MSL2: variants seen among roughly 807,000 people sequenced by gnomAD.
MSL2 encodes the protein MSL complex subunit 2.
MSL2 carries 2 observed loss-of-function variants against 35.8 expected under a neutral mutation model. The ratio of observed to expected loss-of-function variants is 0.06; its 90% CI spans 0.02 to 0.18. The LOEUF (loss-of-function observed/expected upper bound fraction) is 0.18, where lower values mean the gene tolerates loss of function less well. MSL2 is among the 10% of genes least tolerant of loss of function. The probability of loss-of-function intolerance (pLI) is 1.00; values close to 1 mark genes in which losing one functional copy is unlikely to be tolerated. For missense variants in MSL2, 523 were observed against 706.7 expected (o/e 0.74, Z 2.95); for synonymous variants, 296 against 255.7 (o/e 1.16, Z -1.50).
Position 136,149,324 on chromosome 3 carries a change from G to C in MSL2, c.*1823C>G, listed in dbSNP as rs1035490375. 2 of 152,458 alleles carry C rather than the reference G, an allele frequency of 1.3e-5. No homozygotes were observed. Among genetic ancestry groups the C allele is most frequent in the African/African-American group, 2.4e-5 (1 of 41,412 alleles). The allele number at this position is 152,458 out of a possible 1,614,324, so 9.4% of individuals were successfully genotyped here. ...CAACTTTATATAGCAGGGCATCTGG[G>C]TTCAACACAAAACTGTTACAAACGT... On this transcript the variant is annotated 3_prime_UTR_variant, in exon 2 of 2. Coordinates refer to ENST00000309993, the MANE Select transcript of MSL2 (RefSeq NM_018133.4).
chr3:136,153,855 G>A (rs1939443600), intron 1 of MSL2, among the ~76,000 whole-genome samples: 1 of 152,040 alleles, frequency 6.6e-6, no homozygotes, highest in Admixed American at 6.6e-5. Flanking sequence ...GGCTGAGGTG[G>A]GCAGATCACC....
intron 1 of MSL2, 101 bp downstream of exon 1, chr3:136,194,871 G>C: frequency 6.5e-7 from 1 of 1,536,868 alleles, no homozygotes; most frequent in South Asian, 1.2e-5. Context: ...AATAACAAAA[G>C]CTTAATACCA....
intron 1 of MSL2, 128 bp from the exon 2 acceptor site, chr3:136,152,866 G>C (rs571930421): frequency 2.1e-6 from 3 of 1,445,854 alleles, no homozygotes; most frequent in Non-Finnish European, 1.8e-6. Context: ...CCAGATAACA[G>C]AAAATATATC....
intron 1 of MSL2, among the ~76,000 whole-genome samples, chr3:136,165,119 G>A (rs1272095601): frequency 2.0e-5 from 3 of 150,158 alleles, no homozygotes; most frequent in Non-Finnish European, 4.4e-5. Context: ...CAGGTGATCC[G>A]CCCGCCTTGG....
chr3:136,192,168 A>G (rs542485390), intron 1 of MSL2, among the ~76,000 whole-genome samples: 43 of 152,328 alleles, frequency 2.8e-4, no homozygotes, highest in Admixed American at 6.5e-4. Flanking sequence ...TTTAGACAAG[A>G]AAGATAACTT....
intron 1 of MSL2, among the ~76,000 whole-genome samples, chr3:136,187,224 AAC>A (rs995118928): frequency 8.0e-4 from 122 of 152,348 alleles, no homozygotes; most frequent in African/African-American, 2.7e-3. Flanking sequence ...CGACAAAGAT[AAC>A]ACAATACATT....
chr3:136,180,792 G>GGAAGGAAGGAAGGAA (rs1559969215), intron 1 of MSL2, among the ~76,000 whole-genome samples: 1 of 37,672 alleles, frequency 2.7e-5, no homozygotes, highest in Admixed American at 2.4e-4. Context: ...GAGGGAGGGA[G>GGAAGGAAGGAAGGAA]GGAGGGAGGG....
At chr3:136,193,389 T>C (rs540281883) in intron 1 of MSL2, among the ~76,000 whole-genome samples, 2 of 152,174 alleles carry the variant, frequency 1.3e-5, no homozygotes, top group South Asian at 4.1e-4. Flanking sequence ...ATTCTACAAA[T>C]GTTAACTGAT....
At chr3:136,171,880 G>T (rs942328750) in intron 1 of MSL2, among the ~76,000 whole-genome samples, 1 of 152,092 alleles carries the variant, frequency 6.6e-6, no homozygotes, top group African/African-American at 2.4e-5. Context: ...ATTCTACTTT[G>T]TATGTTGAAA....
In MSL2 at chr3:136,195,209, C is replaced by T. The variant is rs891387655; in HGVS notation, c.-96G>A. The stretch of plus-strand genomic sequence containing the variant: ...GAACGATGGCGAATTTGCAACAATT[C>T]GGAAGAAATCAGAGCCGAACCATTG... On this transcript the variant is annotated 5_prime_UTR_variant, in exon 1 of 2. Transcript: ENST00000309993. 2.7e-5 allele frequency: 41 copies of T among 1,532,198 alleles called. No individual in the cohort carries two copies. Among genetic ancestry groups the T allele is most frequent in the Admixed American group, 8.9e-5 (4 of 44,982 alleles). The allele number at this position is 1,532,198 out of a possible 1,614,324, so 94.9% of individuals were successfully genotyped here.
chr3:136,195,162 T>C lies in MSL2; in HGVS notation c.-49A>G. 1.3e-6 allele frequency: 2 copies of C among 1,565,804 alleles called. No individual in the cohort carries two copies. The highest frequency in any genetic ancestry group is 1.4e-5 in the African/African-American group (1 of 72,282). ...CTCCCGGTTGAAAAGAAATTCCGGA[T>C]CCAACTTAGTAAGCAGCCAGGGAAC... On this transcript the variant is annotated 5_prime_UTR_variant, in exon 1 of 2. Coordinates refer to ENST00000309993, the MANE Select transcript of MSL2 (RefSeq NM_018133.4).
chr3:136,169,033 G>C (rs1460686769), intron 1 of MSL2, among the ~76,000 whole-genome samples: 1 of 151,996 alleles, frequency 6.6e-6, no homozygotes, highest in African/African-American at 2.4e-5. Flanking sequence ...TTGATCAAAA[G>C]ACAGGATGGT....
At chr3:136,169,340 A>G (rs1939952196) in intron 1 of MSL2, among the ~76,000 whole-genome samples, 1 of 150,476 alleles carries the variant, frequency 6.6e-6, no homozygotes, top group Non-Finnish European at 1.5e-5. Context: ...TATAACCTGT[A>G]ACAATCAAAT....
chr3:136,155,856 G>C (rs1183263359), intron 1 of MSL2: 4 of 578,276 alleles, frequency 6.9e-6, no homozygotes, highest in Non-Finnish European at 1.4e-5. Flanking sequence ...GGCCAGCTCC[G>C]CTGCTTTCCT....
At chr3:136,153,789 C>CA (rs796710692) in intron 1 of MSL2, among the ~76,000 whole-genome samples, 3,270 of 113,752 alleles carry the variant, frequency 0.029, 99 homozygotes, top group African/African-American at 0.091. Flanking sequence ...GACTTAGTCT[C>CA]AAAAAAAAAA....
chr3:136,163,810 T>C (rs1009644434), intron 1 of MSL2, among the ~76,000 whole-genome samples: 5 of 152,182 alleles, frequency 3.3e-5, no homozygotes, highest in Non-Finnish European at 5.9e-5. Context: ...GATGGTTTTA[T>C]AAGGGGCTCT....
chr3:136,153,290 A>T (rs894968945), intron 1 of MSL2, among the ~76,000 whole-genome samples: 10 of 152,304 alleles, frequency 6.6e-5, no homozygotes, highest in African/African-American at 2.4e-4. Context: ...CAATGCTACA[A>T]CATGCTGAAC....
chr3:136,170,033 A>C (rs929542499), intron 1 of MSL2, among the ~76,000 whole-genome samples: 3 of 149,690 alleles, frequency 2.0e-5, no homozygotes, highest in Non-Finnish European at 4.4e-5. Context: ...CCTGGGCGAC[A>C]GAGAGACTCC....
chr3:136,155,947 T>A (rs1364322407), intron 1 of MSL2: 11 of 506,238 alleles, frequency 2.2e-5, no homozygotes, highest in Non-Finnish European at 3.6e-5. Context: ...TACTACTGTC[T>A]GCATGTACCA....
Sources: allele counts gnomAD v4.1 joint callset (sites outside exome capture counted in the v4.1 genomes callset), GRCh38; gene constraint gnomAD v4.1.1; transcripts MANE v1.5; gene names NCBI Gene and HGNC (gene_info 2026-07-23, HGNC 2026-07-21).